PSD: variants seen among roughly 807,000 people sequenced by gnomAD.
PSD encodes the protein pleckstrin and Sec7 domain containing, also known as PH and SEC7 domain-containing protein 1.
In PSD, 32 loss-of-function variants were observed where a neutral mutation model predicts 91.6. That is an observed-to-expected ratio of 0.35 (90% CI 0.26 to 0.47). The LOEUF (loss-of-function observed/expected upper bound fraction) is 0.47, where lower values mean the gene tolerates loss of function less well. Among genes scored for constraint, PSD ranks in the 20% least tolerant of loss-of-function variants. The pLI is 1.00. For synonymous variants in PSD, 532 were observed against 569.3 expected (o/e 0.93, Z 0.93); for missense variants, 1,099 against 1,373.9 (o/e 0.80, Z 3.16).
Position 102,413,883 on chromosome 10 carries a change from T to C in PSD, c.1439A>G (p.Gln480Arg). 6.2e-7 allele frequency: 1 copy of C among 1,613,788 alleles called. No homozygotes were observed. The highest frequency in any genetic ancestry group is 8.5e-7 in the Non-Finnish European group (1 of 1,179,888). ...CTCTGCCTCCTCCTCCTCCCCTCTC[T>C]GTGTCCAAGGACCATCAGCAGCAGA... Reference protein sequence around the residue: ...TSSAADGPWTQRGEEEEAEAR... With the variant: ...TSSAADGPWTRRGEEEEAEAR... Residue 480 changes from glutamine to arginine, a missense_variant, in exon 5 of 17, where the codon CAG (glutamine) becomes CGG (arginine). By Grantham distance (43) the Gln-to-Arg change is conservative. Transcript: ENST00000020673.
In PSD at chr10:102,414,239, C is replaced by A. The variant is rs1005196817; in HGVS notation, c.1125-42G>T. 24 of 1,526,160 alleles carry A rather than the reference C, an allele frequency of 1.6e-5. No individual in the cohort carries two copies. The highest frequency in any genetic ancestry group is 2.0e-5 in the Non-Finnish European group (22 of 1,122,434). The allele number at this position is 1,526,160 out of a possible 1,614,324, so 94.5% of individuals were successfully genotyped here. A position where few individuals can be genotyped will look rare whatever the true frequency, so the allele number is the denominator to read the frequency against. On this transcript the variant is annotated intron_variant, in intron 4 of 16. Transcript: ENST00000020673. This position sits in a 1 kb window ranked among gnomAD's most constrained non-coding sequence, Gnocchi z 5.6. ...AATCTCTGATTAGGGGCCCAGATCACAGGGCTGGGGCAGGATTTCACTGAA... is the reference window on the plus strand; with the variant it reads ...AATCTCTGATTAGGGGCCCAGATCAAAGGGCTGGGGCAGGATTTCACTGAA...
chr10:102,406,670 G>C (rs1331090142), intron 11 of PSD, among the ~76,000 whole-genome samples: 1 of 152,150 alleles, frequency 6.6e-6, no homozygotes, highest in East Asian at 1.9e-4. Flanking sequence ...ACCACGCCCG[G>C]CTAATTTTTT....
chr10:102,409,587 G>T lies in PSD; in HGVS notation c.2091+1271C>A, dbSNP rs2061404565. On this transcript the variant is annotated intron_variant, in intron 10 of 16. Coordinates refer to ENST00000020673, the MANE Select transcript of PSD (RefSeq NM_002779.5). This position sits in a 1 kb window ranked among gnomAD's most constrained non-coding sequence, Gnocchi z 5.7. ...GCCCTTTTCCACTGAGCCAAGAGGG[G>T]CCTCGAGGGAGGACGGAGGCAGGGA... is the stretch of plus-strand genomic sequence containing the variant. Among the ~76,000 whole-genome samples, 1 of 152,074 alleles carries T rather than the reference G, an allele frequency of 6.6e-6. No homozygotes were observed. The highest frequency in any genetic ancestry group is 1.5e-5 in the Non-Finnish European group (1 of 67,980).
rs762743437 is a variant in PSD at position 102,403,282 on chromosome 10, G to A, written c.2993C>T (p.Pro998Leu). ...AGCCCGGGGCTGGCTGGAGGGTTTG[G>A]GCTGCAGGGAGGGACTGGAGTGAGA... is the stretch of plus-strand genomic sequence containing the variant. ...PPSHSSPSLQ[P>L]KPSSQPRAQR... The change falls in exon 17 of 17, where the codon CCC becomes CTC. Residue 998 changes from proline to leucine, a missense_variant. Physicochemically the swap from Pro to Leu is moderately conservative, Grantham distance 98. Around this residue, in one of 3 missense-constraint regions of PSD, gnomAD observed 358 missense variants for 426.5 expected, o/e 0.84. Coordinates refer to ENST00000020673, the MANE Select transcript of PSD (RefSeq NM_002779.5). This position sits in a 1 kb window ranked among gnomAD's most constrained non-coding sequence, Gnocchi z 6.7. 3.1e-6 allele frequency: 5 copies of A among 1,613,472 alleles called. No individual in the cohort carries two copies. The highest frequency in any genetic ancestry group is 1.7e-4 in the Middle Eastern group (1 of 6,044).
chr10:102,405,700 GT>G lies in PSD; in HGVS notation c.2136-165del. The G allele has an allele frequency of 1.5e-6, 1 of 652,460 alleles. No individual in the cohort carries two copies. The highest frequency in any genetic ancestry group is 2.6e-6 in the Non-Finnish European group (1 of 384,644). 40.4% of individuals were successfully genotyped at this position (652,460 alleles called of 1,614,324 possible). Reference sequence around the variant, plus strand: ...CCGTCTCAGATCAGGCCTCCACAATGTGTAGCTGTGCCTCCTCAGAGCAGGG... The same window carrying G: ...CCGTCTCAGATCAGGCCTCCACAATGGTAGCTGTGCCTCCTCAGAGCAGGG... On this transcript the variant is annotated intron_variant, in intron 11 of 16. Transcript: ENST00000020673. The surrounding 1 kb of genome is among the most constrained non-coding windows in gnomAD (Gnocchi z 5.4).
Position 102,416,245 on chromosome 10 carries a change from C to A in PSD, c.655-126G>T. On this transcript the variant is annotated intron_variant, in intron 2 of 16. Transcript: ENST00000020673. The surrounding 1 kb of genome is among the most constrained non-coding windows in gnomAD (Gnocchi z 6.0). The stretch of plus-strand genomic sequence containing the variant: ...AGATGGAGGTTCAGAGACACAGAGA[C>A]AAACACAGAGGGCAAGAGAGAGGCA... 2 of 1,241,812 alleles carry A rather than the reference C, an allele frequency of 1.6e-6. No homozygotes were observed. The highest frequency in any genetic ancestry group is 1.1e-6 in the Non-Finnish European group (1 of 883,302). The allele number at this position is 1,241,812 out of a possible 1,614,324, so 76.9% of individuals were successfully genotyped here. A position where few individuals can be genotyped will look rare whatever the true frequency, so the allele number is the denominator to read the frequency against.
rs2061349252 is a variant in PSD, at chr10:102,405,433, G to C, written c.2239C>G (p.Leu747Val). The C allele has an allele frequency of 5.6e-6, 9 of 1,613,912 alleles. No individual in the cohort carries two copies. The highest frequency in any genetic ancestry group is 7.6e-6 in the Non-Finnish European group (9 of 1,180,004). The change falls in exon 12 of 17, where the codon CTG becomes GTG. Residue 747 changes from leucine (L) to valine (V), a missense_variant. By Grantham distance (32) the Leu-to-Val change is conservative. This residue lies in a region of PSD where 358 missense variants were observed against 426.5 expected (regional missense o/e 0.84). Coordinates refer to ENST00000020673, the MANE Select transcript of PSD (RefSeq NM_002779.5). The surrounding 1 kb of genome is among the most constrained non-coding windows in gnomAD (Gnocchi z 5.4). ...GGSGSGSSPF[L>V]DLTPEPGAAV... ...GCCCCAGGCTCGGGAGTCAGGTCCA[G>C]GAAAGGGCTGGAGCCACTGCCACTG... is the stretch of plus-strand genomic sequence containing the variant.
rs1054640508 is a variant in PSD at position 102,418,728 on chromosome 10, G to C, written c.-111C>G. 1.3e-5 allele frequency: 6 copies of C among 455,768 alleles called. No homozygotes were observed. The highest frequency in any genetic ancestry group is 2.6e-5 in the Non-Finnish European group (6 of 226,722). 28.2% of individuals were successfully genotyped at this position (455,768 alleles called of 1,614,324 possible). A position where few individuals can be genotyped will look rare whatever the true frequency, so the allele number is the denominator to read the frequency against. ...CTGCTCGCCCAGAGCTGAGACCGAGGAGAGACAGAGGAGAGGCTGGGCCCA... is the reference window on the plus strand; with the variant it reads ...CTGCTCGCCCAGAGCTGAGACCGAGCAGAGACAGAGGAGAGGCTGGGCCCA... On this transcript the variant is annotated 5_prime_UTR_variant, in exon 1 of 17. Transcript: ENST00000020673.
rs573451728 is a variant in PSD at position 102,404,372 on chromosome 10, C to T, written c.2700+211G>A. Among the ~76,000 whole-genome samples, 78 of 152,216 alleles carry T rather than the reference C, an allele frequency of 5.1e-4. No individual in the cohort carries two copies. Among genetic ancestry groups the T allele is most frequent in the African/African-American group, 1.8e-3 (74 of 41,540 alleles). On this transcript the variant is annotated intron_variant, in intron 15 of 16. Coordinates refer to ENST00000020673, the MANE Select transcript of PSD (RefSeq NM_002779.5). The surrounding 1 kb of genome is among the most constrained non-coding windows in gnomAD (Gnocchi z 5.7). ...CAAAAAAAAAAAAAAAAAAGATGCCCCTTCCTTTGGACAAACAAAGCACTA... is the reference window on the plus strand; with the variant it reads ...CAAAAAAAAAAAAAAAAAAGATGCCTCTTCCTTTGGACAAACAAAGCACTA...
At position 102,414,787 on chromosome 10, in the gene PSD, CG is replaced by C. The variant is rs2061458605; in HGVS notation, c.1124+75del. On this transcript the variant is annotated intron_variant, in intron 4 of 16. Transcript: ENST00000020673. This position sits in a 1 kb window ranked among gnomAD's most constrained non-coding sequence, Gnocchi z 5.6. Reference sequence around the variant, plus strand: ...ATCTCTATCCCAGGCCCTTTGAGCCCGGCTCTGCCTGTGGGCCAGTGCGAAG... The same window carrying C: ...ATCTCTATCCCAGGCCCTTTGAGCCCGCTCTGCCTGTGGGCCAGTGCGAAG... The C allele has an allele frequency of 1.4e-6, 2 of 1,466,746 alleles. No homozygotes were observed. The highest frequency in any genetic ancestry group is 1.5e-5 in the South Asian group (1 of 67,912). The allele number at this position is 1,466,746 out of a possible 1,614,324, so 90.9% of individuals were successfully genotyped here. A position where few individuals can be genotyped will look rare whatever the true frequency, so the allele number is the denominator to read the frequency against.
At position 102,402,952 on chromosome 10, in the gene PSD, C is replaced by CAGGG; in HGVS notation, c.*247_*248insCCCT. The CAGGG allele has an allele frequency of 5.9e-6, 1 of 168,532 alleles. No homozygotes were observed. Among genetic ancestry groups the CAGGG allele is most frequent in the African/African-American group, 2.4e-5 (1 of 41,684 alleles). 10.4% of individuals were successfully genotyped at this position (168,532 alleles called of 1,614,324 possible). The stretch of plus-strand genomic sequence containing the variant: ...ATCAAAAGTTCAGGGGCGCTAGCCC[C>CAGGG]TCCCGCCCCCGCCCACCCTGTACGA... On this transcript the variant is annotated 3_prime_UTR_variant, in exon 17 of 17. Transcript: ENST00000020673.
intron 1 of PSD, among the ~76,000 whole-genome samples, chr10:102,417,618 G>A: frequency 6.6e-6 from 1 of 152,116 alleles, no homozygotes; most frequent in East Asian, 1.9e-4. Context: ...CTGAAGGGCT[G>A]AGAGGCACAG....
At position 102,404,780 on chromosome 10, in the gene PSD, G is replaced by C; in HGVS notation, c.2556-53C>G. 1 of 1,555,418 alleles carries C rather than the reference G, an allele frequency of 6.4e-7. No homozygotes were observed. Among genetic ancestry groups the C allele is most frequent in the Non-Finnish European group, 8.7e-7 (1 of 1,149,490 alleles). ...CCTGGGCCCAGGGTTTCTGTCCCAG[G>C]ATGCCAGTCCTGGCTCAAGTGTGGC... On this transcript the variant is annotated intron_variant, in intron 14 of 16. Transcript: ENST00000020673. This position sits in a 1 kb window ranked among gnomAD's most constrained non-coding sequence, Gnocchi z 5.7.
At chr10:102,406,706 C>A (rs1279405103) in intron 11 of PSD, among the ~76,000 whole-genome samples, 1 of 152,104 alleles carries the variant, frequency 6.6e-6, no homozygotes. Flanking sequence ...ACGGTTTCAC[C>A]GTTTTAGCCA....
Position 102,403,202 on chromosome 10 carries a change from A to G in PSD, c.3073T>C (p.Ter1025ArgextTer4). Residue 1025 changes from the stop codon to arginine (R), a stop_lost, in exon 17 of 17, where the codon TGA (stop) becomes CGA (arginine). Coordinates refer to ENST00000020673, the MANE Select transcript of PSD (RefSeq NM_002779.5). This position sits in a 1 kb window ranked among gnomAD's most constrained non-coding sequence, Gnocchi z 6.7. Reference protein sequence around the residue: ...PGAGSGRRKP* With the variant: ...PGAGSGRRKPR ...CACTCCCCACCCTAAACCTCATCTC[A>G]GGGCTTCCGCCGCCCACTGCCTGCC... 3.9e-6 allele frequency: 6 copies of G among 1,554,180 alleles called. No homozygotes were observed. The highest frequency in any genetic ancestry group is 5.2e-6 in the Non-Finnish European group (6 of 1,146,754).
At chr10:102,406,653 G>A (rs1047106938) in intron 11 of PSD, among the ~76,000 whole-genome samples, 14 of 152,244 alleles carry the variant, frequency 9.2e-5, no homozygotes, top group Admixed American at 5.2e-4. Context: ...GACTACAGGT[G>A]CGTGCCACCA....
In PSD at chr10:102,402,707, G is replaced by C. The variant is rs551196541; in HGVS notation, c.*493C>G. The stretch of plus-strand genomic sequence containing the variant: ...GGGAAAGCCAGGCCGTGCTGCCCCC[G>C]GCCCAGGTATGGGGCCTTGGCATGG... On this transcript the variant is annotated 3_prime_UTR_variant, in exon 17 of 17. Coordinates refer to ENST00000020673, the MANE Select transcript of PSD (RefSeq NM_002779.5). 4.3e-5 allele frequency: 13 copies of C among 305,722 alleles called. No individual in the cohort carries two copies. The highest frequency in any genetic ancestry group is 3.3e-4 in the South Asian group (3 of 9,144). The allele number at this position is 305,722 out of a possible 1,614,324, so 18.9% of individuals were successfully genotyped here. A position where few individuals can be genotyped will look rare whatever the true frequency, so the allele number is the denominator to read the frequency against.
In PSD at chr10:102,414,866, G is replaced by A. The variant is rs2061459453; in HGVS notation, c.1121C>T (p.Ala374Val). ...CCCCTCCCACTTCCCCACTCACCGG[G>A]CCCCTTCAGAGGCCTCAAACACCTC... ...DDEVFEASEG[A>V]RPGSRMPLKS... Residue 374 changes from alanine (A) to valine (V), a missense_variant, in exon 4 of 17, where the codon GCC becomes GTC. Around this residue, in one of 3 missense-constraint regions of PSD, gnomAD observed 631 missense variants for 728.8 expected, o/e 0.87. Coordinates refer to ENST00000020673, the MANE Select transcript of PSD (RefSeq NM_002779.5). The surrounding 1 kb of genome is among the most constrained non-coding windows in gnomAD (Gnocchi z 5.6). 6.7e-7 allele frequency: 1 copy of A among 1,490,730 alleles called. No homozygotes were observed. 92.3% of individuals were successfully genotyped at this position (1,490,730 alleles called of 1,614,324 possible).
In PSD at chr10:102,409,359, C is replaced by G. The variant is rs1273735831; in HGVS notation, c.2091+1499G>C. ...GGGCGGGGACCGCATGAAATGGAGG[C>G]GCCCGATCGCGAAGGGGGCCCTCCC... is the stretch of plus-strand genomic sequence containing the variant. On this transcript the variant is annotated intron_variant, in intron 10 of 16. Transcript: ENST00000020673. This position sits in a 1 kb window ranked among gnomAD's most constrained non-coding sequence, Gnocchi z 5.7. The G allele has an allele frequency of 1.0e-6, 1 of 985,132 alleles. No individual in the cohort carries two copies. The highest frequency in any genetic ancestry group is 1.2e-6 in the Non-Finnish European group (1 of 829,758). 61.0% of individuals were successfully genotyped at this position (985,132 alleles called of 1,614,324 possible).
Sources: gnomAD v4.1 joint callset for allele counts (sites outside exome capture counted in the v4.1 genomes callset) on GRCh38, gnomAD v4.1.1 for gene constraint, gnomAD v4.1.1 regional missense constraint, Gnocchi (gnomAD v3.1) non-coding constraint, MANE v1.5 for transcripts, NCBI Gene and HGNC (gene_info 2026-07-23, HGNC 2026-07-21) for gene names.